CORIN: variants seen among roughly 807,000 people sequenced by gnomAD.
CORIN encodes the protein atrial natriuretic peptide-converting enzyme.
Under a neutral mutation model 125.3 loss-of-function variants are expected in CORIN, and 117 were observed. That is an observed-to-expected ratio of 0.93 (90% CI 0.80 to 1.09). CORIN has a LOEUF of 1.09. CORIN is among the 50% of genes least tolerant of loss of function. CORIN has a pLI of 0.00. For missense variants in CORIN, 1,253 were observed against 1,306.7 expected (o/e 0.96, Z 0.63); for synonymous variants, 450 against 466.4 (o/e 0.96, Z 0.45).
rs569623798 is a variant in CORIN, at chr4:47,777,030, T to C, written c.409+9695A>G. Among the ~76,000 whole-genome samples the C allele has an allele frequency of 2.6e-5, 4 of 152,332 alleles. No individual in the cohort carries two copies. In the South Asian group the frequency reaches 8.3e-4, roughly 32 times the overall value. On this transcript the variant is annotated intron_variant, in intron 3 of 21. Transcript: ENST00000273857. ...TCGATCATGTTTGTTTCTGAGCCTG[T>C]CTTATAGAATTTCTCACTTTATTTC...
intron 5 of CORIN, among the ~76,000 whole-genome samples, chr4:47,694,057 T>C (rs1182664133): frequency 1.3e-5 from 2 of 152,198 alleles, no homozygotes; most frequent in African/African-American, 4.8e-5. Flanking sequence ...GAGGAAACTA[T>C]GAAATAACCA....
Position 47,807,164 on chromosome 4 carries a change from G to A in CORIN, c.64-117C>T, listed in dbSNP as rs754591657. ...TTCCAAAAAGATTTTACAGTTTGTGGTTTAGGGTATGAAATGAGCTTAGTC... is the reference window on the plus strand; with the variant it reads ...TTCCAAAAAGATTTTACAGTTTGTGATTTAGGGTATGAAATGAGCTTAGTC... On this transcript the variant is annotated intron_variant, in intron 1 of 21. Coordinates refer to ENST00000273857, the MANE Select transcript of CORIN (RefSeq NM_006587.4). 63 of 744,706 alleles carry A rather than the reference G, an allele frequency of 8.5e-5. No homozygotes were observed. The Middle Eastern group carries it at 8.5e-4, about 10-fold the overall frequency. The allele number at this position is 744,706 out of a possible 1,614,324, so 46.1% of individuals were successfully genotyped here.
intron 19 of CORIN, among the ~76,000 whole-genome samples, chr4:47,622,997 C>A (rs1722383185): frequency 6.6e-6 from 1 of 151,494 alleles, no homozygotes; most frequent in South Asian, 2.1e-4. Context: ...TTGTTCAGCA[C>A]ACAGAAGAGA....
At chr4:47,821,311 A>C (rs1236062944) in intron 1 of CORIN, among the ~76,000 whole-genome samples, 2 of 151,792 alleles carry the variant, frequency 1.3e-5, no homozygotes, top group Non-Finnish European at 2.9e-5. Flanking sequence ...TACAACAGAG[A>C]GCAGTCTCAT....
chr4:47,647,300 G>A (rs1206551301), intron 13 of CORIN, among the ~76,000 whole-genome samples: 1 of 152,168 alleles, frequency 6.6e-6, no homozygotes, highest in Non-Finnish European at 1.5e-5. Context: ...CATGCATGGT[G>A]CTGACCCTTC....
intron 16 of CORIN, among the ~76,000 whole-genome samples, chr4:47,637,159 G>C (rs1723058226): frequency 6.6e-6 from 1 of 152,150 alleles, no homozygotes; most frequent in Non-Finnish European, 1.5e-5. Flanking sequence ...GTGGAACTTT[G>C]AACTTGACAG....
intron 16 of CORIN, chr4:47,632,386 T>A (rs1228589113): frequency 2.0e-5 from 3 of 152,196 alleles, no homozygotes; most frequent in African/African-American, 7.2e-5. Flanking sequence ...ACTTGAAACA[T>A]TTATACTAAA....
intron 2 of CORIN, among the ~76,000 whole-genome samples, chr4:47,791,421 A>C (rs1306250823): frequency 1.3e-5 from 2 of 152,212 alleles, no homozygotes; most frequent in Non-Finnish European, 2.9e-5. Flanking sequence ...TAAGATAATA[A>C]ATTTGTACTA....
At chr4:47,745,150 A>T (rs915694136) in intron 4 of CORIN, among the ~76,000 whole-genome samples, 3 of 151,526 alleles carry the variant, frequency 2.0e-5, no homozygotes, top group Non-Finnish European at 2.9e-5. Context: ...TCTGCAAAAT[A>T]AAAAAAAATG....
chr4:47,717,473 G>A (rs150397088), intron 5 of CORIN, among the ~76,000 whole-genome samples: 2 of 152,038 alleles, frequency 1.3e-5, no homozygotes, highest in Non-Finnish European at 2.9e-5. Context: ...TTGATTCACC[G>A]TCCCCAATCC....
At chr4:47,828,415 C>A (rs1732831259) in intron 1 of CORIN, among the ~76,000 whole-genome samples, 1 of 152,160 alleles carries the variant, frequency 6.6e-6, no homozygotes, top group African/African-American at 2.4e-5. Context: ...GAATTAATAA[C>A]CACATACTCA....
chr4:47,708,759 C>T (rs1177157279), intron 5 of CORIN, among the ~76,000 whole-genome samples: 2 of 152,126 alleles, frequency 1.3e-5, no homozygotes, highest in Non-Finnish European at 2.9e-5. Context: ...TTTCTCTAGT[C>T]GAAATCTTTG....
chr4:47,772,567 A>G (rs921681756), intron 3 of CORIN, among the ~76,000 whole-genome samples: 1 of 152,198 alleles, frequency 6.6e-6, no homozygotes, highest in Non-Finnish European at 1.5e-5. Context: ...ACAGTTTTCT[A>G]TACATAATAT....
At chr4:47,779,518 C>G (rs1730446667) in intron 3 of CORIN, among the ~76,000 whole-genome samples, 1 of 151,464 alleles carries the variant, frequency 6.6e-6, no homozygotes. Context: ...CTCACTGCAA[C>G]CTCCGCCCCC....
intron 2 of CORIN, among the ~76,000 whole-genome samples, chr4:47,793,515 A>G (rs1402370079): frequency 6.6e-6 from 1 of 152,204 alleles, no homozygotes; most frequent in African/African-American, 2.4e-5. Flanking sequence ...GCATAGTTGA[A>G]GAGCATAATG....
intron 1 of CORIN, among the ~76,000 whole-genome samples, 168 bp from the exon 2 acceptor site, chr4:47,807,215 G>C (rs1269934765): frequency 6.6e-6 from 1 of 152,220 alleles, no homozygotes; most frequent in Non-Finnish European, 1.5e-5. Flanking sequence ...TAAAGGAACA[G>C]ATAACTGTAC....
intron 11 of CORIN, among the ~76,000 whole-genome samples, chr4:47,663,042 ACTG>A (rs1724321039): frequency 6.6e-6 from 1 of 152,210 alleles, no homozygotes; most frequent in African/African-American, 2.4e-5. Context: ...CTCAATTGCA[ACTG>A]CTATTTTAAA....
At chr4:47,605,630 T>C (rs1303144353) in intron 19 of CORIN, among the ~76,000 whole-genome samples, 1 of 152,082 alleles carries the variant, frequency 6.6e-6, no homozygotes, top group East Asian at 1.9e-4. Flanking sequence ...TCAACTAAAG[T>C]AGGTTGATTT....
intron 3 of CORIN, among the ~76,000 whole-genome samples, chr4:47,773,348 A>C (rs1408735684): frequency 6.6e-6 from 1 of 152,198 alleles, no homozygotes; most frequent in Non-Finnish European, 1.5e-5. Context: ...AGGTGATGAG[A>C]TCTCAGTAGA....
Sources: allele counts gnomAD v4.1 joint callset (sites outside exome capture counted in the v4.1 genomes callset), GRCh38; gene constraint gnomAD v4.1.1; transcripts MANE v1.5; gene names NCBI Gene and HGNC (gene_info 2026-07-23, HGNC 2026-07-21).